Variants in RTKN2 observed in about 807,000 individuals in gnomAD.
The protein encoded by RTKN2 is rhotekin-2.
RTKN2 carries 69 observed loss-of-function variants against 71.5 expected under a neutral mutation model. That is an observed-to-expected ratio of 0.96 (90% CI 0.79 to 1.18). The LOEUF is 1.18. Ranked by LOEUF, RTKN2 falls within the 50% of genes most tolerant of loss-of-function variation. RTKN2 has a pLI of 0.00. For synonymous variants in RTKN2, 236 were observed against 236.5 expected (o/e 1.00, Z 0.02); for missense variants, 724 against 719.7 (o/e 1.01, Z -0.07).
intron 2 of RTKN2, among the ~76,000 whole-genome samples, chr10:62,258,719 T>G (rs971838632): frequency 6.6e-6 from 1 of 152,224 alleles, no homozygotes; most frequent in Admixed American, 6.5e-5. Flanking sequence ...TGTTTTTATA[T>G]GAATGATGAA....
chr10:62,195,648 A>C lies in RTKN2; in HGVS notation c.*2260T>G. 1.4e-6 allele frequency: 1 copy of C among 717,432 alleles called. No homozygotes were observed. The highest frequency in any genetic ancestry group is 7.3e-5 in the Admixed American group (1 of 13,792). The allele number at this position is 717,432 out of a possible 1,614,324, so 44.4% of individuals were successfully genotyped here. On this transcript the variant is annotated 3_prime_UTR_variant, in exon 12 of 12. Coordinates refer to ENST00000373789, the MANE Select transcript of RTKN2 (RefSeq NM_145307.4). Reference sequence around the variant, plus strand: ...GAAGGAAGGAAGGAAGGAAGGAAGGAAGGAAGGAAGGAAGGAAGGAAGGAA... The same window carrying C: ...GAAGGAAGGAAGGAAGGAAGGAAGGCAGGAAGGAAGGAAGGAAGGAAGGAA...
chr10:62,214,237 T>G (rs866116132), intron 9 of RTKN2, among the ~76,000 whole-genome samples: 1 of 152,220 alleles, frequency 6.6e-6, no homozygotes, highest in African/African-American at 2.4e-5. Context: ...TTATTTTATG[T>G]CTAATTTTAA....
intron 6 of RTKN2, among the ~76,000 whole-genome samples, chr10:62,228,535 A>C (rs541974072): frequency 6.6e-6 from 1 of 152,226 alleles, no homozygotes; most frequent in Non-Finnish European, 1.5e-5. Context: ...GGAATATAAA[A>C]AATTATTTTC....
chr10:62,197,849 C>T lies in RTKN2; in HGVS notation c.*59G>A. 2 of 1,512,362 alleles carry T rather than the reference C, an allele frequency of 1.3e-6. No individual in the cohort carries two copies. The highest frequency in any genetic ancestry group is 1.3e-5 in the South Asian group (1 of 74,170). 93.7% of individuals were successfully genotyped at this position (1,512,362 alleles called of 1,614,324 possible). On this transcript the variant is annotated 3_prime_UTR_variant, in exon 12 of 12. Coordinates refer to ENST00000373789, the MANE Select transcript of RTKN2 (RefSeq NM_145307.4). ...TATAATTACACATTATTCTATAATG[C>T]CTCTGAATTAAGCTTCACAGTTATA...
At chr10:62,245,580 G>A (rs1483474613) in intron 3 of RTKN2, among the ~76,000 whole-genome samples, 2 of 152,116 alleles carry the variant, frequency 1.3e-5, no homozygotes, top group Non-Finnish European at 2.9e-5. Flanking sequence ...TGGGTGTAAA[G>A]TGATGACCAA....
intron 5 of RTKN2, among the ~76,000 whole-genome samples, chr10:62,236,703 C>A (rs1413375334): frequency 6.6e-6 from 1 of 151,968 alleles, no homozygotes; most frequent in African/African-American, 2.4e-5. Context: ...TATTCACAAT[C>A]GCCAAGGTAT....
intron 2 of RTKN2, among the ~76,000 whole-genome samples, chr10:62,249,381 T>C (rs1286497833): frequency 1.5e-5 from 2 of 129,712 alleles, no homozygotes; most frequent in South Asian, 5.2e-4. Flanking sequence ...GGTTGCGGGG[T>C]TGGGGGGTGG....
At chr10:62,227,313 G>A (rs1191343102) in intron 6 of RTKN2, among the ~76,000 whole-genome samples, 2 of 152,132 alleles carry the variant, frequency 1.3e-5, no homozygotes, top group Non-Finnish European at 2.9e-5. Context: ...AGGGGAGAGT[G>A]CTATTTCAGA....
chr10:62,201,167 G>A (rs1841433399), intron 10 of RTKN2, among the ~76,000 whole-genome samples: 1 of 152,012 alleles, frequency 6.6e-6, no homozygotes, highest in Non-Finnish European at 1.5e-5. Flanking sequence ...ATACACTTAT[G>A]TTGTATATCC....
In RTKN2 at chr10:62,236,223, A is replaced by G. The variant is rs1464636256; in HGVS notation, c.529T>C (p.Tyr177His). 3 of 1,612,068 alleles carry G rather than the reference A, an allele frequency of 1.9e-6. No homozygotes were observed. Among genetic ancestry groups the G allele is most frequent in the East Asian group, 2.2e-5 (1 of 44,750 alleles). ...GAAGATTCTTCTGTACAGCAACTAT[A>G]CACTTCCACCTTTATCTGAAAGTCT... is the stretch of plus-strand genomic sequence containing the variant. The part of the protein sequence containing the change: ...GPDFQIKVEV[Y>H]SCCTEESSIT... Residue 177 changes from tyrosine (Y) to histidine (H), a missense_variant, in exon 6 of 12, where the codon TAT (tyrosine) becomes CAT (histidine). Physicochemically the swap from Tyr to His is moderately conservative, Grantham distance 83 (BLOSUM62 2). Transcript: ENST00000373789.
chr10:62,251,561 T>C (rs1388467914), intron 2 of RTKN2, among the ~76,000 whole-genome samples: 1 of 152,166 alleles, frequency 6.6e-6, no homozygotes, highest in East Asian at 1.9e-4. Flanking sequence ...CAATTACCCA[T>C]AGAAAACTAC....
intron 1 of RTKN2, 103 bp downstream of exon 1, chr10:62,268,448 G>C: frequency 3.6e-6 from 4 of 1,099,056 alleles, no homozygotes; most frequent in Non-Finnish European, 5.4e-6. Flanking sequence ...CTGAAATAGA[G>C]GAGCGGGGGA....
chr10:62,209,885 T>C (rs1841624835), intron 9 of RTKN2, among the ~76,000 whole-genome samples: 2 of 152,168 alleles, frequency 1.3e-5, no homozygotes, highest in South Asian at 4.1e-4. Flanking sequence ...TTTAGGTTGA[T>C]TCCATGTCTT....
intron 9 of RTKN2, among the ~76,000 whole-genome samples, chr10:62,213,804 GT>G (rs1410230335): frequency 6.6e-6 from 1 of 151,348 alleles, no homozygotes; most frequent in African/African-American, 2.4e-5. Context: ...CATCAGTATG[GT>G]TTTTTTTGTT....
At position 62,239,746 on chromosome 10, in the gene RTKN2, A is replaced by C; in HGVS notation, c.390T>G (p.Ile130Met). ...SNKERSRRYA[I>M]FCLFKMGANV... ...TAGCTCCCATTTTGAATAAACAAAA[A>C]ATGGCATAGCGTCGTGATCCTGGAG... The change falls in exon 5 of 12, where the codon ATT (isoleucine) becomes ATG (methionine). Residue 130 changes from isoleucine to methionine, a missense_variant. Transcript: ENST00000373789. The C allele has an allele frequency of 6.3e-7, 1 of 1,590,286 alleles. No individual in the cohort carries two copies. The highest frequency in any genetic ancestry group is 1.1e-5 in the South Asian group (1 of 87,916).
chr10:62,193,825 T>C lies in RTKN2; in HGVS notation c.*4083A>G. 1 of 975,112 alleles carries C rather than the reference T, an allele frequency of 1.0e-6. No homozygotes were observed. Among genetic ancestry groups the C allele is most frequent in the Non-Finnish European group, 1.2e-6 (1 of 820,562 alleles). 60.4% of individuals were successfully genotyped at this position (975,112 alleles called of 1,614,324 possible). ...AGAGTATACTTTAAGAAGGATTATA[T>C]GTAAACATTTTAATAATGTTAATTA... On this transcript the variant is annotated 3_prime_UTR_variant, in exon 12 of 12. Transcript: ENST00000373789.
At chr10:62,204,647 T>C (rs1439347420) in intron 10 of RTKN2, among the ~76,000 whole-genome samples, 1 of 152,162 alleles carries the variant, frequency 6.6e-6, no homozygotes, top group Non-Finnish European at 1.5e-5. Flanking sequence ...GAGGTAGAGA[T>C]GCTAGAATCC....
At chr10:62,258,713 T>C (rs7905731) in intron 2 of RTKN2, among the ~76,000 whole-genome samples, 87,059 of 151,948 alleles carry the variant, frequency 0.57, 25,399 homozygotes, top group East Asian at 0.89. Context: ...AAACAATGTT[T>C]TTATATGAAT....
intron 9 of RTKN2, chr10:62,215,172 G>A: frequency 1.2e-6 from 1 of 845,722 alleles, no homozygotes. Flanking sequence ...AAAAAAATTA[G>A]TAGGATTTCA....
Sources: gnomAD v4.1 joint callset for allele counts (sites outside exome capture counted in the v4.1 genomes callset) on GRCh38, gnomAD v4.1.1 for gene constraint, MANE v1.5 for transcripts, NCBI Gene and HGNC (gene_info 2026-07-23, HGNC 2026-07-21) for gene names.